CCDC85C: variants seen among roughly 807,000 people sequenced by gnomAD.
The protein encoded by CCDC85C is coiled-coil domain-containing protein 85C.
Under a neutral mutation model 38.3 loss-of-function variants are expected in CCDC85C, and 18 were observed. The observed-to-expected ratio is 0.47, with a 90% CI of 0.33 to 0.70. The LOEUF (loss-of-function observed/expected upper bound fraction) is 0.70. CCDC85C is among the 30% of genes least tolerant of loss of function. The pLI is 0.03. For missense variants in CCDC85C, 566 were observed against 621.2 expected (o/e 0.91, Z 0.94); for synonymous variants, 264 against 293.8 (o/e 0.90, Z 1.04).
intron 2 of CCDC85C, among the ~76,000 whole-genome samples, chr14:99,534,468 G>C (rs1465832233): frequency 6.6e-6 from 1 of 152,148 alleles, no homozygotes; most frequent in Non-Finnish European, 1.5e-5. Context: ...CCAGATCAGG[G>C]CAGACGCGTG....
At chr14:99,578,944 T>G (rs1228653677) in intron 1 of CCDC85C, among the ~76,000 whole-genome samples, 1 of 152,126 alleles carries the variant, frequency 6.6e-6, no homozygotes, top group Non-Finnish European at 1.5e-5. Context: ...CTGCCCCACC[T>G]CCATCCACAA....
intron 1 of CCDC85C, among the ~76,000 whole-genome samples, chr14:99,565,675 G>A (rs186211361): frequency 6.6e-6 from 1 of 152,328 alleles, no homozygotes; most frequent in East Asian, 1.9e-4. Flanking sequence ...TGGTGCAGGT[G>A]GATACAGAAG....
chr14:99,574,743 G>A lies in CCDC85C; in HGVS notation c.793+28424C>T, dbSNP rs184379771. On this transcript the variant is annotated intron_variant, in intron 1 of 5. Coordinates refer to ENST00000380243, the MANE Select transcript of CCDC85C (RefSeq NM_001144995.2). ...TGTGTCCGCCCGAGGGGCACCAGCCGGGTCAGGTGGCCTGACCACTCACAG... is the reference window on the plus strand; with the variant it reads ...TGTGTCCGCCCGAGGGGCACCAGCCAGGTCAGGTGGCCTGACCACTCACAG... 3.2e-4 allele frequency among the ~76,000 whole-genome samples: 49 copies of A among 152,332 alleles called. No homozygotes were observed. In the East Asian group the frequency reaches 9.2e-3, roughly 29 times the overall value.
In CCDC85C at chr14:99,604,182, G is replaced by T. The variant is rs888022718; in HGVS notation, c.-223C>A. 2.0e-4 allele frequency among the ~76,000 whole-genome samples: 29 copies of T among 148,220 alleles called. No individual in the cohort carries two copies. The highest frequency in any genetic ancestry group is 5.4e-4 in the African/African-American group (22 of 41,098). ...GGAGGCGGCTGCTGCGTCGGCGGCC[G>T]CGGTGCCGGGCGCTCTCAGGGTTCT... On this transcript the variant is annotated 5_prime_UTR_variant, in exon 1 of 6. Transcript: ENST00000380243.
chr14:99,572,843 A>G lies in CCDC85C; in HGVS notation c.793+30324T>C, dbSNP rs1898383293. On this transcript the variant is annotated intron_variant, in intron 1 of 5. Coordinates refer to ENST00000380243, the MANE Select transcript of CCDC85C (RefSeq NM_001144995.2). This position sits in a 1 kb window ranked among gnomAD's most constrained non-coding sequence, Gnocchi z 4.4. ...GCATGGAAACGGGGCCTGGTGTGCA[A>G]CAGGTGCTCAGTAAACGGCTAAGGA... 2.2e-6 allele frequency: 1 copy of G among 456,098 alleles called. No individual in the cohort carries two copies. Among genetic ancestry groups the G allele is most frequent in the African/African-American group, 2.0e-5 (1 of 50,190 alleles). 28.3% of individuals were successfully genotyped at this position (456,098 alleles called of 1,614,324 possible).
chr14:99,575,617 C>T (rs891647199), intron 1 of CCDC85C, among the ~76,000 whole-genome samples: 2 of 152,230 alleles, frequency 1.3e-5, no homozygotes, highest in African/African-American at 2.4e-5. Flanking sequence ...TCCCACCTGC[C>T]GGAGGACCCT....
At chr14:99,557,383 G>A (rs1291139814) in intron 1 of CCDC85C, among the ~76,000 whole-genome samples, 1 of 152,226 alleles carries the variant, frequency 6.6e-6, no homozygotes, top group Non-Finnish European at 1.5e-5. Context: ...GCCAGCATCT[G>A]AGGGATGCTG....
At chr14:99,568,421 C>T (rs894784658) in intron 1 of CCDC85C, among the ~76,000 whole-genome samples, 2 of 152,024 alleles carry the variant, frequency 1.3e-5, no homozygotes, top group Admixed American at 1.3e-4. Context: ...TCCTCCTTGG[C>T]CTTCCTCTCT....
intron 1 of CCDC85C, among the ~76,000 whole-genome samples, chr14:99,591,358 C>T (rs1239703785): frequency 6.6e-6 from 1 of 152,244 alleles, no homozygotes; most frequent in Non-Finnish European, 1.5e-5. Context: ...CTACCAGCCT[C>T]TTCTGTGTGG....
At position 99,514,997 on chromosome 14, in the gene CCDC85C, G is replaced by C. The variant is rs1595334839; in HGVS notation, c.*249C>G. ...CCCAGAGGGGGAATGAGGCGTCCGG[G>C]CCGCTCTGCTGCAGGAACAGTCGCA... is the stretch of plus-strand genomic sequence containing the variant. On this transcript the variant is annotated 3_prime_UTR_variant, in exon 6 of 6. Transcript: ENST00000380243. The C allele has an allele frequency of 9.3e-6, 4 of 428,544 alleles. No homozygotes were observed. The East Asian group carries it at 1.7e-4, about 18-fold the overall frequency. 26.5% of individuals were successfully genotyped at this position (428,544 alleles called of 1,614,324 possible). A position where few individuals can be genotyped will look rare whatever the true frequency, so the allele number is the denominator to read the frequency against.
At chr14:99,522,389 C>T (rs1316844606) in intron 2 of CCDC85C, 149 bp from the exon 3 acceptor site, 1 of 566,516 alleles carries the variant, frequency 1.8e-6, no homozygotes, top group East Asian at 2.9e-5. Context: ...GCTTATCCAT[C>T]CCCCGAGCCG....
chr14:99,561,786 G>A (rs1307822125), intron 1 of CCDC85C, among the ~76,000 whole-genome samples: 1 of 152,200 alleles, frequency 6.6e-6, no homozygotes, highest in Non-Finnish European at 1.5e-5. Context: ...GGGGGCAGAG[G>A]AGGGATGCCA....
rs977097774 is a variant in CCDC85C, at chr14:99,548,367, C to T, written c.794-12279G>A. Among the ~76,000 whole-genome samples, 1 of 152,012 alleles carries T rather than the reference C, an allele frequency of 6.6e-6. No individual in the cohort carries two copies. The highest frequency in any genetic ancestry group is 1.5e-5 in the Non-Finnish European group (1 of 68,006). On this transcript the variant is annotated intron_variant, in intron 1 of 5. Transcript: ENST00000380243. This position sits in a 1 kb window ranked among gnomAD's most constrained non-coding sequence, Gnocchi z 4.9. ...CGACAATGAGATGCCACTGGATTGG[C>T]GGAGAGTAAAAAGTGGTCATGCTGT...
chr14:99,545,569 C>A lies in CCDC85C; in HGVS notation c.794-9481G>T, dbSNP rs916069544. 6.6e-6 allele frequency among the ~76,000 whole-genome samples: 1 copy of A among 152,108 alleles called. No individual in the cohort carries two copies. Among genetic ancestry groups the A allele is most frequent in the Non-Finnish European group, 1.5e-5 (1 of 68,014 alleles). ...TGGAAATTGACCTGTGTGTGTGAGA[C>A]GGTGGTGCAGGTGTCGGCACTGTTA... On this transcript the variant is annotated intron_variant, in intron 1 of 5. Coordinates refer to ENST00000380243, the MANE Select transcript of CCDC85C (RefSeq NM_001144995.2). This position sits in a 1 kb window ranked among gnomAD's most constrained non-coding sequence, Gnocchi z 4.7.
intron 1 of CCDC85C, among the ~76,000 whole-genome samples, chr14:99,586,839 G>A (rs12880780): frequency 0.58 from 87,881 of 152,040 alleles, 26,515 homozygotes; most frequent in Non-Finnish European, 0.67. Flanking sequence ...AAGGCCCCCC[G>A]GCCAGAGGAA....
chr14:99,598,892 C>G (rs2055170669), intron 1 of CCDC85C, among the ~76,000 whole-genome samples: 1 of 152,192 alleles, frequency 6.6e-6, no homozygotes, highest in Admixed American at 6.5e-5. Flanking sequence ...GCACTGGGCA[C>G]AGTTTACCCA....
chr14:99,527,957 G>A (rs1476424681), intron 2 of CCDC85C, among the ~76,000 whole-genome samples: 1 of 152,206 alleles, frequency 6.6e-6, no homozygotes, highest in East Asian at 1.9e-4. Flanking sequence ...AGAGCCCTCG[G>A]GGGCGGTCGC....
At position 99,516,675 on chromosome 14, in the gene CCDC85C, G is replaced by C. The variant is rs28627885; in HGVS notation, c.1072-389C>G. Among the ~76,000 whole-genome samples the C allele has an allele frequency of 6.6e-6, 1 of 152,050 alleles. No individual in the cohort carries two copies. The highest frequency in any genetic ancestry group is 1.5e-5 in the Non-Finnish European group (1 of 68,008). On this transcript the variant is annotated intron_variant, in intron 4 of 5. Transcript: ENST00000380243. The surrounding 1 kb of genome is among the most constrained non-coding windows in gnomAD (Gnocchi z 5.5). ...CATGGGGCACGTACGTAGGAGGAAGGGGGGCATGGGAGTGGGGACTGTGCT... is the reference window on the plus strand; with the variant it reads ...CATGGGGCACGTACGTAGGAGGAAGCGGGGCATGGGAGTGGGGACTGTGCT...
At position 99,517,188 on chromosome 14, in the gene CCDC85C, G is replaced by T. The variant is rs940872995; in HGVS notation, c.976-5C>A. On this transcript the variant is annotated splice_polypyrimidine_tract_variant and splice_region_variant and intron_variant, in intron 3 of 5. Transcript: ENST00000380243. ...AGGTGCGGGGCAGGCCGGGCCCTGG[G>T]GAAGGCAATCACACATCTCAGCTCA... is the stretch of plus-strand genomic sequence containing the variant. 1.3e-6 allele frequency: 2 copies of T among 1,537,708 alleles called. No homozygotes were observed. The highest frequency in any genetic ancestry group is 2.7e-5 in the African/African-American group (2 of 72,816).
Sources: allele counts gnomAD v4.1 joint callset (sites outside exome capture counted in the v4.1 genomes callset), GRCh38; gene constraint gnomAD v4.1.1; non-coding constraint Gnocchi (gnomAD v3.1); transcripts MANE v1.5; gene names NCBI Gene and HGNC (gene_info 2026-07-23, HGNC 2026-07-21).